The following SORD variants were observed in gnomAD, a reference collection of about 807,000 sequenced individuals.
SORD encodes the protein (R,R)-butanediol dehydrogenase.
SORD carries 18 observed loss-of-function variants against 35.6 expected under a neutral mutation model. The ratio of observed to expected loss-of-function variants is 0.51; its 90% CI spans 0.35 to 0.75. SORD has a LOEUF of 0.75. Ranked by LOEUF, SORD falls within the 30% of genes least tolerant of loss-of-function variation. The pLI is 0.01. For missense variants in SORD, 250 were observed against 390.2 expected, an observed-to-expected ratio of 0.64 and a Z score of 3.03; for synonymous variants, 106 against 152.9, an observed-to-expected ratio of 0.69 and a Z score of 2.26.
chr15:45,067,920 G>A (rs1222228745), intron 5 of SORD, among the ~76,000 whole-genome samples: 2 of 152,184 alleles, frequency 1.3e-5, no homozygotes, highest in East Asian at 1.9e-4. Flanking sequence ...GTGCCCAGGA[G>A]TAAGTAGGAA....
At chr15:45,040,499 T>C in intron 2 of SORD, 58 bp downstream of exon 2, 1 of 1,290,892 alleles carries the variant, frequency 7.7e-7, no homozygotes, top group South Asian at 1.2e-5. Context: ...TCCTTTGGAG[T>C]CACATGTATA....
At chr15:45,028,814 A>T (rs1892721995) in intron 1 of SORD, among the ~76,000 whole-genome samples, 1 of 152,268 alleles carries the variant, frequency 6.6e-6, no homozygotes, top group South Asian at 2.1e-4. Context: ...AAATAAGATA[A>T]ATCTATATCT....
At chr15:45,039,103 G>A (rs556388471) in intron 1 of SORD, among the ~76,000 whole-genome samples, 1 of 152,100 alleles carries the variant, frequency 6.6e-6, no homozygotes, top group African/African-American at 2.4e-5. Context: ...GCACATGGCA[G>A]GTTCTGTGAA....
intron 1 of SORD, among the ~76,000 whole-genome samples, chr15:45,029,551 T>C (rs1488934117): frequency 6.6e-6 from 1 of 152,272 alleles, no homozygotes; most frequent in African/African-American, 2.4e-5. Flanking sequence ...GCTGTTACAG[T>C]GCTCCTTTAT....
At chr15:45,056,355 G>A (rs1325100144) in intron 3 of SORD, among the ~76,000 whole-genome samples, 2 of 151,654 alleles carry the variant, frequency 1.3e-5, no homozygotes, top group Non-Finnish European at 2.9e-5. Flanking sequence ...AACAGACAGA[G>A]AGCCAAATCA....
chr15:45,049,743 C>G (rs1463897958), intron 3 of SORD, among the ~76,000 whole-genome samples: 1 of 152,142 alleles, frequency 6.6e-6, no homozygotes, highest in African/African-American at 2.4e-5. Flanking sequence ...TTACTGATCT[C>G]TTTTGTTTCT....
At chr15:45,051,897 CAT>C (rs1893130328) in intron 3 of SORD, among the ~76,000 whole-genome samples, 1 of 152,254 alleles carries the variant, frequency 6.6e-6, no homozygotes, top group South Asian at 2.1e-4. Flanking sequence ...ATGTAAAAAA[CAT>C]AGAATACCCT....
intron 3 of SORD, among the ~76,000 whole-genome samples, chr15:45,046,249 T>G (rs907724070): frequency 4.6e-5 from 7 of 151,936 alleles, no homozygotes; most frequent in Non-Finnish European, 1.0e-4. Context: ...AATATAGACA[T>G]TTTATTTTTT....
intron 3 of SORD, chr15:45,060,864 C>G (rs956351220): frequency 1.7e-6 from 2 of 1,184,728 alleles, no homozygotes; most frequent in African/African-American, 1.5e-5. Context: ...CCTCACTTGC[C>G]TAGGACACCC....
intron 3 of SORD, among the ~76,000 whole-genome samples, chr15:45,051,499 T>A (rs1343441661): frequency 6.6e-6 from 1 of 152,196 alleles, no homozygotes; most frequent in East Asian, 1.9e-4. Flanking sequence ...ATGTTAGCGG[T>A]TCAAAGCACT....
At chr15:45,025,904 G>C (rs1892660868) in intron 1 of SORD, among the ~76,000 whole-genome samples, 1 of 152,214 alleles carries the variant, frequency 6.6e-6, no homozygotes, top group Non-Finnish European at 1.5e-5. Flanking sequence ...GAGTTGTCCT[G>C]TCCCAAATAG....
At chr15:45,055,118 T>G (rs918580497) in intron 3 of SORD, among the ~76,000 whole-genome samples, 3 of 152,150 alleles carry the variant, frequency 2.0e-5, no homozygotes, top group African/African-American at 7.2e-5. Context: ...AGGATTGACT[T>G]GGCGATGCGG....
At chr15:45,062,846 G>A (rs1299876288) in intron 4 of SORD, among the ~76,000 whole-genome samples, 10 of 130,922 alleles carry the variant, frequency 7.6e-5, no homozygotes, top group South Asian at 2.5e-4. Flanking sequence ...CAATATCCTC[G>A]CCTGTAAAAT....
intron 4 of SORD, among the ~76,000 whole-genome samples, 164 bp from the exon 5 acceptor site, chr15:45,065,107 G>A (rs547892044): frequency 7.2e-5 from 11 of 152,314 alleles, no homozygotes; most frequent in Non-Finnish European, 1.3e-4. Flanking sequence ...AGGGATTTAC[G>A]TGAGTTAATG....
chr15:45,062,255 G>C (rs1414686821), intron 4 of SORD, among the ~76,000 whole-genome samples: 2 of 152,364 alleles, frequency 1.3e-5, no homozygotes, highest in East Asian at 3.9e-4. Context: ...AGTCAAACTG[G>C]GGTCTCTGTG....
At chr15:45,037,124 G>C (rs913748977) in intron 1 of SORD, among the ~76,000 whole-genome samples, 1 of 152,188 alleles carries the variant, frequency 6.6e-6, no homozygotes, top group African/African-American at 2.4e-5. Flanking sequence ...GAGTTGCAAG[G>C]GTAATTAGAA....
intron 1 of SORD, among the ~76,000 whole-genome samples, chr15:45,028,317 ACTCTAT>A (rs1314375695): frequency 1.3e-5 from 2 of 152,196 alleles, no homozygotes; most frequent in African/African-American, 4.8e-5. Flanking sequence ...ACAGAACAAG[ACTCTAT>A]CTCAAAACAA....
chr15:45,030,260 T>A lies in SORD; in HGVS notation c.66+6911T>A, dbSNP rs537971537. ...AAGCAAGCAATATCACAAATAGGAT[T>A]TTACCATTCCATAAAAGCAGCCCTA... On this transcript the variant is annotated intron_variant, in intron 1 of 8. Transcript: ENST00000267814. Among the ~76,000 whole-genome samples the A allele has an allele frequency of 1.4e-4, 22 of 152,324 alleles. No individual in the cohort carries two copies. The South Asian group carries it at 4.4e-3, about 30-fold the overall frequency.
Position 45,065,264 on chromosome 15 carries a change from T to G in SORD, c.426-7T>G, listed in dbSNP as rs752752947. 1 of 1,605,712 alleles carries G rather than the reference T, an allele frequency of 6.2e-7. No homozygotes were observed. The highest frequency in any genetic ancestry group is 8.5e-7 in the Non-Finnish European group (1 of 1,175,088). On this transcript the variant is annotated splice_polypyrimidine_tract_variant and splice_region_variant and intron_variant, in intron 4 of 8. Coordinates refer to ENST00000267814, the MANE Select transcript of SORD (RefSeq NM_003104.6). ...AGAGGATCTCTGTGTGTCAATTGACTCCTCAGGCTTCCTGACAATGTCACC... is the reference window on the plus strand; with the variant it reads ...AGAGGATCTCTGTGTGTCAATTGACGCCTCAGGCTTCCTGACAATGTCACC...
Sources: gnomAD v4.1 joint callset for allele counts (sites outside exome capture counted in the v4.1 genomes callset) on GRCh38, gnomAD v4.1.1 for gene constraint, MANE v1.5 for transcripts, NCBI Gene and HGNC (gene_info 2026-07-23, HGNC 2026-07-21) for gene names.